FTO: variants seen among roughly 807,000 people sequenced by gnomAD.
FTO encodes the protein alpha-ketoglutarate-dependent dioxygenase FTO.
A neutral mutation model predicts 63.9 loss-of-function variants in FTO; 47 were observed. That is an observed-to-expected ratio of 0.74 (90% CI 0.58 to 0.94). FTO has a LOEUF of 0.94. FTO is among the 40% of genes least tolerant of loss of function. FTO has a pLI of 0.00. For synonymous variants in FTO, 207 were observed against 224.4 expected (o/e 0.92, Z 0.69); for missense variants, 562 against 618.1 (o/e 0.91, Z 0.96).
intron 8 of FTO, among the ~76,000 whole-genome samples, chr16:53,944,324 A>G (rs80345584): frequency 0.049 from 7,406 of 152,218 alleles, 250 homozygotes; most frequent in African/African-American, 0.097. Flanking sequence ...GTGTTCTCAT[A>G]AGACTCTCAT....
rs1370826870 is a variant in FTO at position 54,112,500 on chromosome 16, A to G, written c.*585A>G. The G allele has an allele frequency of 6.5e-6, 1 of 152,810 alleles. No individual in the cohort carries two copies. The highest frequency in any genetic ancestry group is 1.5e-5 in the Non-Finnish European group (1 of 68,474). The allele number at this position is 152,810 out of a possible 1,614,324, so 9.5% of individuals were successfully genotyped here. A position where few individuals can be genotyped will look rare whatever the true frequency, so the allele number is the denominator to read the frequency against. ...GTATTGGACGGTACAGATATGGAAC[A>G]TTTTCATCATCGAAGAAAGTCCTAT... On this transcript the variant is annotated 3_prime_UTR_variant, in exon 9 of 9. Coordinates refer to ENST00000471389, the MANE Select transcript of FTO (RefSeq NM_001080432.3).
intron 4 of FTO, among the ~76,000 whole-genome samples, chr16:53,845,441 C>A (rs574103811): frequency 2.6e-5 from 4 of 152,320 alleles, no homozygotes; most frequent in African/African-American, 9.6e-5. Flanking sequence ...TACAGAATAG[C>A]TCTTTAGGCC....
intron 5 of FTO, among the ~76,000 whole-genome samples, chr16:53,878,255 G>T (rs2080722551): frequency 6.6e-6 from 1 of 152,124 alleles, no homozygotes; most frequent in African/African-American, 2.4e-5. Flanking sequence ...CCAAGATCAT[G>T]CCACGCCACT....
intron 4 of FTO, among the ~76,000 whole-genome samples, chr16:53,873,050 G>A (rs1648180136): frequency 6.6e-6 from 1 of 152,202 alleles, no homozygotes; most frequent in Non-Finnish European, 1.5e-5. Context: ...CTACACTTGA[G>A]TTCTGTTCTA....
intron 8 of FTO, among the ~76,000 whole-genome samples, chr16:54,074,615 C>A (rs2085942249): frequency 6.6e-6 from 1 of 152,096 alleles, no homozygotes; most frequent in African/African-American, 2.4e-5. Flanking sequence ...ATTTATTTAA[C>A]TTTTCTCCTA....
intron 7 of FTO, among the ~76,000 whole-genome samples, chr16:53,899,581 G>A (rs1024343062): frequency 3.9e-5 from 6 of 152,156 alleles, no homozygotes; most frequent in Non-Finnish European, 5.9e-5. Flanking sequence ...AGCTTTTGAT[G>A]ATGGAAGGCA....
rs1489014258 is a variant in FTO at position 53,891,550 on chromosome 16, A to G, written c.1239+2599A>G. 2.0e-5 allele frequency among the ~76,000 whole-genome samples: 3 copies of G among 152,084 alleles called. No individual in the cohort carries two copies. In the East Asian group the frequency reaches 5.8e-4, roughly 29 times the overall value. On this transcript the variant is annotated intron_variant, in intron 7 of 8. Coordinates refer to ENST00000471389, the MANE Select transcript of FTO (RefSeq NM_001080432.3). ...GTGGTGCATGTCTATGGTCTGAGCT[A>G]CTTGGGAAGCTGAGGTGGGAGGATC...
chr16:54,018,126 A>G (rs759149468), intron 8 of FTO, among the ~76,000 whole-genome samples: 6 of 151,982 alleles, frequency 3.9e-5, no homozygotes, highest in Non-Finnish European at 8.8e-5. Context: ...TTTGTAATGG[A>G]TGCGTAATAC....
intron 2 of FTO, among the ~76,000 whole-genome samples, chr16:53,823,584 C>T (rs898528494): frequency 1.3e-5 from 2 of 149,210 alleles, no homozygotes; most frequent in Admixed American, 1.4e-4. Flanking sequence ...TCCCCCTTTT[C>T]TTCTTTCTAC....
chr16:54,028,371 T>A (rs1176110035), intron 8 of FTO, among the ~76,000 whole-genome samples: 4 of 152,180 alleles, frequency 2.6e-5, no homozygotes, highest in Non-Finnish European at 4.4e-5. Flanking sequence ...TCAGAATATG[T>A]TGGGTGGAGT....
chr16:54,062,371 G>A (rs1291130675), intron 8 of FTO, among the ~76,000 whole-genome samples: 3 of 152,216 alleles, frequency 2.0e-5, no homozygotes, highest in African/African-American at 7.2e-5. Flanking sequence ...TGCTTGGCAG[G>A]GGGGTGCGGC....
At chr16:53,787,703 A>G (rs7202116) in intron 1 of FTO, among the ~76,000 whole-genome samples, 62,031 of 151,926 alleles carry the variant, frequency 0.41, 13,100 homozygotes, top group African/African-American at 0.48. Flanking sequence ...TCATATAAAC[A>G]TCTTTCATCT....
chr16:54,107,759 A>C (rs2086790024), intron 8 of FTO, among the ~76,000 whole-genome samples: 1 of 152,158 alleles, frequency 6.6e-6, no homozygotes, highest in Non-Finnish European at 1.5e-5. Context: ...GTGAAGCATG[A>C]CTCAGATACT....
chr16:54,119,167 C>T lies in FTO; in HGVS notation c.*7252C>T, dbSNP rs950754937. The T allele has an allele frequency of 6.6e-6, 1 of 152,180 alleles. No individual in the cohort carries two copies. Among genetic ancestry groups the T allele is most frequent in the Non-Finnish European group, 1.5e-5 (1 of 68,032 alleles). 9.4% of individuals were successfully genotyped at this position (152,180 alleles called of 1,614,324 possible). A position where few individuals can be genotyped will look rare whatever the true frequency, so the allele number is the denominator to read the frequency against. ...AAACTGCCTTTCTTGAGTAGAGGTA[C>T]GTTCAGCACTTCATAAAATAATCTT... On this transcript the variant is annotated 3_prime_UTR_variant, in exon 9 of 9. Transcript: ENST00000471389.
chr16:53,960,343 C>T (rs1164380317), intron 8 of FTO, among the ~76,000 whole-genome samples: 1 of 152,178 alleles, frequency 6.6e-6, no homozygotes, highest in African/African-American at 2.4e-5. Flanking sequence ...TAAATCCACT[C>T]ACTACACTTA....
At chr16:53,733,424 AG>A (rs939680136) in intron 1 of FTO, among the ~76,000 whole-genome samples, 1 of 152,228 alleles carries the variant, frequency 6.6e-6, no homozygotes, top group Admixed American at 6.5e-5. Context: ...AAAATAAAAA[AG>A]AAGAAGAAGA....
intron 1 of FTO, among the ~76,000 whole-genome samples, chr16:53,741,681 T>C (rs1293950734): frequency 6.6e-6 from 1 of 152,228 alleles, no homozygotes; most frequent in African/African-American, 2.4e-5. Context: ...ATTCTCAGCA[T>C]GCAATTTCAT....
At chr16:53,938,152 T>C (rs1302304927) in intron 8 of FTO, among the ~76,000 whole-genome samples, 3 of 152,234 alleles carry the variant, frequency 2.0e-5, no homozygotes, top group Non-Finnish European at 4.4e-5. Flanking sequence ...CCACTGATTA[T>C]TGTGCACTCT....
At position 53,776,166 on chromosome 16, in the gene FTO, GAAAA is replaced by G. The variant is rs537763298; in HGVS notation, c.46-33973_46-33970del. ...AGTGTTTGAAAAGGGCCCTGAGAGGGAAAACCCTGGAGTTGAGCTCCTTATCCCC... is the reference window on the plus strand; with the variant it reads ...AGTGTTTGAAAAGGGCCCTGAGAGGGCCCTGGAGTTGAGCTCCTTATCCCC... On this transcript the variant is annotated intron_variant, in intron 1 of 8. Coordinates refer to ENST00000471389, the MANE Select transcript of FTO (RefSeq NM_001080432.3). Among the ~76,000 whole-genome samples the G allele has an allele frequency of 2.7e-3, 412 of 152,242 alleles. 5 individuals carry two copies. The highest frequency in any genetic ancestry group is 0.011 in the South Asian group (55 of 4,822).
Sources: gnomAD v4.1 joint callset for allele counts (sites outside exome capture counted in the v4.1 genomes callset) on GRCh38, gnomAD v4.1.1 for gene constraint, MANE v1.5 for transcripts, NCBI Gene and HGNC (gene_info 2026-07-23, HGNC 2026-07-21) for gene names.